The following BBOX1 variants were observed in gnomAD, a reference collection of about 807,000 sequenced individuals.
BBOX1 encodes the protein gamma-butyrobetaine dioxygenase.
In BBOX1, 35 loss-of-function variants were observed where a neutral mutation model predicts 41.6. The ratio of observed to expected loss-of-function variants is 0.84; its 90% CI spans 0.64 to 1.11. The LOEUF (loss-of-function observed/expected upper bound fraction) is 1.11, where lower values mean the gene tolerates loss of function less well. Ranked by LOEUF, BBOX1 falls within the 50% of genes most tolerant of loss-of-function variation. The probability of loss-of-function intolerance (pLI) is 0.00; values close to 1 mark genes in which losing one functional copy is unlikely to be tolerated. For missense variants in BBOX1, 458 were observed against 460.6 expected, an observed-to-expected ratio of 0.99 and a Z score of 0.05; for synonymous variants, 163 against 154.7, an observed-to-expected ratio of 1.05 and a Z score of -0.40.
intron 5 of BBOX1, among the ~76,000 whole-genome samples, chr11:27,098,537 G>T (rs1168261669): frequency 5.3e-5 from 8 of 152,074 alleles, no homozygotes; most frequent in African/African-American, 1.7e-4. Flanking sequence ...CAACACTTGT[G>T]TAAGATGTCA....
intron 4 of BBOX1, among the ~76,000 whole-genome samples, chr11:27,081,726 T>C (rs1489888748): frequency 1.3e-5 from 2 of 152,158 alleles, no homozygotes; most frequent in African/African-American, 4.8e-5. Flanking sequence ...TGTTGTTTCC[T>C]GACTTTTTAA....
chr11:27,066,689 GA>G (rs962521029), intron 4 of BBOX1: 1 of 122,846 alleles, frequency 8.1e-6, no homozygotes, highest in South Asian at 2.4e-4. Context: ...AAAAAAAAAA[GA>G]AAAAAAACCA....
At chr11:27,114,713 G>T (rs1859194133) in intron 5 of BBOX1, among the ~76,000 whole-genome samples, 1 of 117,870 alleles carries the variant, frequency 8.5e-6, no homozygotes, top group Non-Finnish European at 2.0e-5. Context: ...GAATTAAATT[G>T]GACCCACAAC....
intron 5 of BBOX1, among the ~76,000 whole-genome samples, chr11:27,114,848 C>T (rs1281915778): frequency 6.6e-6 from 1 of 151,754 alleles, no homozygotes; most frequent in Non-Finnish European, 1.5e-5. Flanking sequence ...GCAGTGGATT[C>T]TTAGATATAA....
intron 4 of BBOX1, among the ~76,000 whole-genome samples, chr11:27,080,419 T>C (rs1018394901): frequency 2.6e-5 from 4 of 152,088 alleles, no homozygotes; most frequent in African/African-American, 4.8e-5. Context: ...ATATTAGTAA[T>C]ATATGTCATT....
intron 2 of BBOX1, among the ~76,000 whole-genome samples, chr11:27,049,774 T>C (rs1343259843): frequency 6.6e-6 from 1 of 152,172 alleles, no homozygotes; most frequent in Non-Finnish European, 1.5e-5. Flanking sequence ...CTCAGATGTA[T>C]GATTTACAAA....
chr11:27,072,943 C>T (rs1182738771), intron 4 of BBOX1, among the ~76,000 whole-genome samples: 2 of 152,160 alleles, frequency 1.3e-5, no homozygotes. Context: ...AAATGTTAGA[C>T]CTAAAACCAT....
intron 2 of BBOX1, among the ~76,000 whole-genome samples, chr11:27,052,273 A>C (rs905458214): frequency 6.6e-6 from 1 of 152,052 alleles, no homozygotes; most frequent in Non-Finnish European, 1.5e-5. Flanking sequence ...GTGTCCTCCC[A>C]TATATGCTTT....
intron 4 of BBOX1, among the ~76,000 whole-genome samples, chr11:27,083,532 G>T (rs1188286207): frequency 6.6e-6 from 1 of 151,946 alleles, no homozygotes; most frequent in East Asian, 1.9e-4. Flanking sequence ...CTCTTTGCAT[G>T]ACAGTCTTCT....
intron 8 of BBOX1, among the ~76,000 whole-genome samples, chr11:27,126,614 G>A (rs1390708565): frequency 6.6e-6 from 1 of 151,570 alleles, no homozygotes. Flanking sequence ...GACAAACTAA[G>A]AATTTCACTA....
chr11:27,067,673 ATTGCTTGAACCCAG>A (rs1331234759), intron 4 of BBOX1, among the ~76,000 whole-genome samples: 5 of 120,306 alleles, frequency 4.2e-5, no homozygotes, highest in Non-Finnish European at 9.4e-5. Flanking sequence ...AGACAGGAGA[ATTGCTTGAACCCAG>A]GAAGTGGAAG....
At chr11:27,122,511 G>C (rs1017576205) in intron 7 of BBOX1, among the ~76,000 whole-genome samples, 6 of 152,098 alleles carry the variant, frequency 3.9e-5, no homozygotes, top group Admixed American at 6.5e-5. Flanking sequence ...CACACTTACT[G>C]GGGGGAGATT....
chr11:27,070,500 T>C (rs1857408930), intron 4 of BBOX1, among the ~76,000 whole-genome samples: 1 of 152,170 alleles, frequency 6.6e-6, no homozygotes, highest in South Asian at 2.1e-4. Context: ...GATTCTTTCA[T>C]CATTGTATAA....
intron 4 of BBOX1, among the ~76,000 whole-genome samples, chr11:27,075,355 A>AAGCTT (rs113426036): frequency 6.2e-4 from 95 of 152,214 alleles, no homozygotes; most frequent in African/African-American, 2.3e-3. Flanking sequence ...AGGTCTCTTT[A>AAGCTT]AGCTTATCTC....
chr11:27,051,162 T>G (rs1851659514), intron 2 of BBOX1, among the ~76,000 whole-genome samples: 1 of 152,138 alleles, frequency 6.6e-6, no homozygotes, highest in South Asian at 2.1e-4. Context: ...CAAACCATCT[T>G]TGCATCCCAG....
At position 27,055,473 on chromosome 11, in the gene BBOX1, C is replaced by T. The variant is rs141755764; in HGVS notation, c.43C>T (p.His15Tyr). 180 of 1,614,116 alleles carry T rather than the reference C, an allele frequency of 1.1e-4. 1 individual carries two copies. In the African/African-American group the frequency reaches 2.3e-3, roughly 20 times the overall value. The change falls in exon 3 of 9, where the codon CAT (histidine) becomes TAT (tyrosine). Residue 15 changes from histidine to tyrosine, a missense_variant. Transcript: ENST00000263182. ...IQKAEALDGA[H>Y]LMQILWYDEE... ...AAAGGCAGAAGCACTTGACGGGGCT[C>T]ATTTGATGCAGATCCTCTGGTATGA...
intron 2 of BBOX1, among the ~76,000 whole-genome samples, chr11:27,042,917 A>T (rs1851378798): frequency 6.6e-6 from 1 of 152,174 alleles, no homozygotes; most frequent in African/African-American, 2.4e-5. Flanking sequence ...AAAGGTTAAA[A>T]TATAAAATAA....
chr11:27,099,885 A>G (rs560443314), intron 5 of BBOX1, among the ~76,000 whole-genome samples: 5 of 152,258 alleles, frequency 3.3e-5, no homozygotes, highest in African/African-American at 1.2e-4. Flanking sequence ...TTATATCTTC[A>G]TGAGTTCCTT....
At chr11:27,082,392 G>A (rs1857877850) in intron 4 of BBOX1, among the ~76,000 whole-genome samples, 1 of 152,112 alleles carries the variant, frequency 6.6e-6, no homozygotes, top group South Asian at 2.1e-4. Context: ...AGGGCCTTCT[G>A]TGATCTTTTT....
Sources: allele counts gnomAD v4.1 joint callset (sites outside exome capture counted in the v4.1 genomes callset), GRCh38; gene constraint gnomAD v4.1.1; transcripts MANE v1.5; gene names NCBI Gene and HGNC (gene_info 2026-07-23, HGNC 2026-07-21).